CAMK2D: variants seen among roughly 807,000 people sequenced by gnomAD.
CAMK2D encodes the protein calcium/calmodulin dependent protein kinase II delta.
Under a neutral mutation model 84.0 loss-of-function variants are expected in CAMK2D, and 37 were observed. The ratio of observed to expected loss-of-function variants is 0.44; its 90% CI spans 0.34 to 0.58. CAMK2D has a LOEUF of 0.58. Ranked by LOEUF, CAMK2D falls within the 20% of genes least tolerant of loss-of-function variation. The pLI, the probability that CAMK2D is intolerant of heterozygous loss-of-function variation, is 0.02. For synonymous variants in CAMK2D, 202 were observed against 212.5 expected, an observed-to-expected ratio of 0.95 and a Z score of 0.43; for missense variants, 448 against 652.5, an observed-to-expected ratio of 0.69 and a Z score of 3.41.
chr4:113,733,730 T>TA (rs1404244713), intron 2 of CAMK2D, among the ~76,000 whole-genome samples: 3 of 152,198 alleles, frequency 2.0e-5, no homozygotes, highest in African/African-American at 7.2e-5. Context: ...TACAGAAACA[T>TA]AGACTCTGCT....
intron 2 of CAMK2D, among the ~76,000 whole-genome samples, chr4:113,708,174 C>A (rs776683954): frequency 6.6e-6 from 1 of 152,044 alleles, no homozygotes; most frequent in Admixed American, 6.6e-5. Flanking sequence ...TTTTGAATAG[C>A]ACCATATTTC....
intron 4 of CAMK2D, among the ~76,000 whole-genome samples, chr4:113,569,058 C>A (rs1007868556): frequency 1.3e-5 from 2 of 151,486 alleles, no homozygotes; most frequent in Non-Finnish European, 2.9e-5. Flanking sequence ...ATTAATTTTT[C>A]TTTTTGTAGA....
chr4:113,588,526 A>G (rs1291577937), intron 4 of CAMK2D, among the ~76,000 whole-genome samples: 4 of 152,190 alleles, frequency 2.6e-5, no homozygotes, highest in Non-Finnish European at 1.5e-5. Flanking sequence ...TAGTTTTAGT[A>G]CTGACCAAAA....
intron 3 of CAMK2D, among the ~76,000 whole-genome samples, chr4:113,654,762 C>T (rs746363614): frequency 3.3e-5 from 5 of 151,682 alleles, no homozygotes; most frequent in Non-Finnish European, 7.4e-5. Context: ...TTTAGCTCTC[C>T]TAAATATTAA....
chr4:113,520,654 T>C (rs2098344297), intron 8 of CAMK2D, among the ~76,000 whole-genome samples: 1 of 152,152 alleles, frequency 6.6e-6, no homozygotes, highest in Non-Finnish European at 1.5e-5. Flanking sequence ...GGGGTGATGA[T>C]GTGACCTCCA....
intron 3 of CAMK2D, among the ~76,000 whole-genome samples, chr4:113,618,096 C>T (rs1051761562): frequency 1.3e-4 from 20 of 152,030 alleles, no homozygotes; most frequent in African/African-American, 4.6e-4. Flanking sequence ...TTTCTACATT[C>T]CTGGATGAAT....
At chr4:113,510,696 C>A (rs1231539396) in intron 12 of CAMK2D, among the ~76,000 whole-genome samples, 4 of 152,134 alleles carry the variant, frequency 2.6e-5, no homozygotes, top group Admixed American at 2.6e-4. Context: ...TTAAGTATAT[C>A]AGAATAGAAT....
intron 8 of CAMK2D, among the ~76,000 whole-genome samples, chr4:113,530,755 T>A (rs2098452589): frequency 6.6e-6 from 1 of 152,134 alleles, no homozygotes; most frequent in Non-Finnish European, 1.5e-5. Context: ...CCTGGCACCT[T>A]GATTTTGAAT....
intron 13 of CAMK2D, among the ~76,000 whole-genome samples, 165 bp from the exon 14 acceptor site, chr4:113,505,200 C>A (rs2098113877): frequency 6.6e-6 from 1 of 152,180 alleles, no homozygotes; most frequent in Admixed American, 6.5e-5. Flanking sequence ...GATCGCTAGT[C>A]TCCGATGGTC....
At chr4:113,691,801 T>C (rs991214592) in intron 2 of CAMK2D, among the ~76,000 whole-genome samples, 16 of 151,892 alleles carry the variant, frequency 1.1e-4, no homozygotes, top group Non-Finnish European at 2.4e-4. Flanking sequence ...TTCTGAATGG[T>C]TGAGGAAATC....
chr4:113,548,425 A>C (rs1168709362), intron 5 of CAMK2D, among the ~76,000 whole-genome samples: 1 of 152,146 alleles, frequency 6.6e-6, no homozygotes, highest in African/African-American at 2.4e-5. Context: ...TACTGCTTGG[A>C]AACTTAGCAG....
intron 2 of CAMK2D, chr4:113,754,541 A>G (rs1441992391): frequency 1.0e-6 from 1 of 972,146 alleles, no homozygotes; most frequent in Admixed American, 6.2e-5. Context: ...AATTGTCTAA[A>G]CAAAGTTCTC....
At chr4:113,629,760 C>A (rs2099082036) in intron 3 of CAMK2D, among the ~76,000 whole-genome samples, 1 of 147,194 alleles carries the variant, frequency 6.8e-6, no homozygotes, top group African/African-American at 2.5e-5. Context: ...CAAATTTACT[C>A]TTGTCAATTG....
intron 4 of CAMK2D, among the ~76,000 whole-genome samples, chr4:113,567,427 C>T (rs1348365865): frequency 6.6e-6 from 1 of 152,132 alleles, no homozygotes; most frequent in Non-Finnish European, 1.5e-5. Context: ...CGCAGCCTCC[C>T]AAAGTGCAGG....
chr4:113,543,385 T>A (rs912655841), intron 6 of CAMK2D, among the ~76,000 whole-genome samples: 252 of 14,722 alleles, frequency 0.017, no homozygotes, highest in African/African-American at 0.063. Context: ...ATATATTGAT[T>A]TTTTTTTTTT....
intron 3 of CAMK2D, 147 bp downstream of exon 3, chr4:113,661,566 G>C (rs542432120): frequency 2.3e-6 from 1 of 443,426 alleles, no homozygotes; most frequent in Admixed American, 3.8e-5. Context: ...AAAACTTTGA[G>C]GTATCAAATG....
At chr4:113,678,166 TAAG>T (rs963907861) in intron 2 of CAMK2D, among the ~76,000 whole-genome samples, 2 of 152,144 alleles carry the variant, frequency 1.3e-5, no homozygotes, top group African/African-American at 2.4e-5. Flanking sequence ...CCGTTTTTAA[TAAG>T]AATAGTTCTA....
intron 16 of CAMK2D, among the ~76,000 whole-genome samples, chr4:113,467,285 G>T (rs1228792900): frequency 6.6e-6 from 1 of 152,080 alleles, no homozygotes; most frequent in Non-Finnish European, 1.5e-5. Context: ...AAACCAGTTT[G>T]CATTTTTTAT....
chr4:113,624,675 T>A lies in CAMK2D; in HGVS notation c.221-15469A>T, dbSNP rs149253471. 1.6e-3 allele frequency among the ~76,000 whole-genome samples: 237 copies of A among 152,322 alleles called. 3 individuals are homozygous for A. Among genetic ancestry groups the A allele is most frequent in the East Asian group, 7.1e-3 (37 of 5,190 alleles). ...TGGTCTCTGTATTTACTGTGGCTAGTATATTCTGGCATACATAAGAAACTG... is the reference window on the plus strand; with the variant it reads ...TGGTCTCTGTATTTACTGTGGCTAGAATATTCTGGCATACATAAGAAACTG... On this transcript the variant is annotated intron_variant, in intron 3 of 20. Coordinates refer to ENST00000511664, the MANE Select transcript of CAMK2D (RefSeq NM_001321571.2).
Sources: allele counts gnomAD v4.1 joint callset (sites outside exome capture counted in the v4.1 genomes callset), GRCh38; gene constraint gnomAD v4.1.1; transcripts MANE v1.5; gene names NCBI Gene and HGNC (gene_info 2026-07-23, HGNC 2026-07-21).